Variants in SYNE3 observed in about 807,000 individuals in gnomAD.
The protein encoded by SYNE3 is nesprin-3.
Under a neutral mutation model 111.2 loss-of-function variants are expected in SYNE3, and 100 were observed. That is an observed-to-expected ratio of 0.90 (90% CI 0.77 to 1.06). The LOEUF (loss-of-function observed/expected upper bound fraction) is 1.06, where lower values mean the gene tolerates loss of function less well. Ranked by LOEUF, SYNE3 falls within the 50% of genes least tolerant of loss-of-function variation. SYNE3 has a pLI of 0.00. For synonymous variants in SYNE3, 547 were observed against 533.9 expected (o/e 1.02, Z -0.34); for missense variants, 1,160 against 1,240.3 (o/e 0.94, Z 0.97).
Position 95,436,974 on chromosome 14 carries a change from A to C in SYNE3, c.2384T>G (p.Leu795Arg). ...ATGGCTCCCTTCTTCTTCCTGTAGA[A>C]GATTTGCCTGTAGGATCACACACGG... ...PIPRHRRRANLLQEEEGSHED... is the reference protein window; with the variant it reads ...PIPRHRRRANRLQEEEGSHED... Residue 795 changes from leucine (L) to arginine (R), a missense_variant, in exon 15 of 18, where the codon CTT becomes CGT. Coordinates refer to ENST00000682763, the MANE Select transcript of SYNE3 (RefSeq NM_152592.6). The C allele has an allele frequency of 6.4e-7, 1 of 1,550,676 alleles. No individual in the cohort carries two copies. The highest frequency in any genetic ancestry group is 8.7e-7 in the Non-Finnish European group (1 of 1,145,540).
chr14:95,478,174 T>C (rs1284517008), intron 1 of SYNE3, among the ~76,000 whole-genome samples: 1 of 152,198 alleles, frequency 6.6e-6, no homozygotes, highest in Non-Finnish European at 1.5e-5. Context: ...CAGGCAGAGT[T>C]CAGGAGACCT....
At chr14:95,482,011 T>C (rs1889289134) in intron 1 of SYNE3, among the ~76,000 whole-genome samples, 1 of 152,326 alleles carries the variant, frequency 6.6e-6, no homozygotes, top group South Asian at 2.1e-4. Context: ...TCCCCGGCTC[T>C]CCAAAGCTCA....
intron 11 of SYNE3, among the ~76,000 whole-genome samples, chr14:95,441,464 A>C (rs189212929): frequency 1.2e-3 from 178 of 152,378 alleles, no homozygotes; most frequent in Non-Finnish European, 2.1e-3. Context: ...GGGGAAGGAC[A>C]TATTAGATTA....
At chr14:95,431,785 C>T (rs1458314327) in intron 17 of SYNE3, among the ~76,000 whole-genome samples, 2 of 152,226 alleles carry the variant, frequency 1.3e-5, no homozygotes, top group Non-Finnish European at 2.9e-5. Flanking sequence ...TTTGTCCACT[C>T]CCCAGCGTGT....
chr14:95,492,030 C>T (rs1566686124), intron 1 of SYNE3, among the ~76,000 whole-genome samples: 1 of 152,180 alleles, frequency 6.6e-6, no homozygotes, highest in Non-Finnish European at 1.5e-5. Flanking sequence ...AAAAGATTCT[C>T]AACATCACTA....
intron 11 of SYNE3, among the ~76,000 whole-genome samples, chr14:95,441,338 T>C (rs1016536393): frequency 6.6e-6 from 1 of 152,070 alleles, no homozygotes; most frequent in Non-Finnish European, 1.5e-5. Flanking sequence ...TGTCCCCTCC[T>C]GGTCCCTGTG....
chr14:95,448,945 C>A (rs1306558181), intron 8 of SYNE3, among the ~76,000 whole-genome samples: 2 of 152,172 alleles, frequency 1.3e-5, no homozygotes, highest in African/African-American at 4.8e-5. Context: ...TCTTCACACA[C>A]CTTTACACTC....
At chr14:95,476,151 T>C (rs1337272899) in intron 1 of SYNE3, among the ~76,000 whole-genome samples, 3 of 152,218 alleles carry the variant, frequency 2.0e-5, no homozygotes, top group African/African-American at 7.2e-5. Context: ...TCTATTCAGA[T>C]TGCACGCTCT....
At chr14:95,508,981 T>C (rs950470093) in intron 1 of SYNE3, among the ~76,000 whole-genome samples, 1 of 152,236 alleles carries the variant, frequency 6.6e-6, no homozygotes, top group Admixed American at 6.5e-5. Flanking sequence ...AAGATCCTAT[T>C]TTAAAGCCTT....
intron 1 of SYNE3, among the ~76,000 whole-genome samples, chr14:95,483,520 G>C (rs1329711553): frequency 6.6e-6 from 1 of 152,056 alleles, no homozygotes; most frequent in Non-Finnish European, 1.5e-5. Flanking sequence ...TGGATTCTGG[G>C]AACACAATTT....
chr14:95,462,659 C>T (rs1415118412), intron 4 of SYNE3, among the ~76,000 whole-genome samples: 1 of 152,252 alleles, frequency 6.6e-6, no homozygotes, highest in Non-Finnish European at 1.5e-5. Flanking sequence ...GCTCCCTCTT[C>T]AGCAGCTCAA....
In SYNE3 at chr14:95,413,183, C is replaced by CT. The variant is rs1903478646; in HGVS notation, c.*4642dup. ...CCCTCCCTCCCTCCCTCCCTTCCTC[C>CT]TTTTCTCTCTCTTCTCTCTGTCTCT... On this transcript the variant is annotated 3_prime_UTR_variant, in exon 18 of 18. Transcript: ENST00000682763. 1 of 73,730 alleles carries CT rather than the reference C, an allele frequency of 1.4e-5. No homozygotes were observed. Among genetic ancestry groups the CT allele is most frequent in the South Asian group, 4.4e-4 (1 of 2,296 alleles). 4.6% of individuals were successfully genotyped at this position (73,730 alleles called of 1,614,324 possible). A position where few individuals can be genotyped will look rare whatever the true frequency, so the allele number is the denominator to read the frequency against.
intron 2 of SYNE3, among the ~76,000 whole-genome samples, chr14:95,473,361 T>C (rs1888651525): frequency 6.6e-6 from 1 of 151,506 alleles, no homozygotes; most frequent in Non-Finnish European, 1.5e-5. Context: ...CAGCAAAGGG[T>C]AGAAAGTTTA....
chr14:95,461,806 G>A (rs1039916062), intron 4 of SYNE3, among the ~76,000 whole-genome samples: 8 of 152,246 alleles, frequency 5.3e-5, no homozygotes, highest in Admixed American at 4.6e-4. Context: ...TGCAGGGGAG[G>A]TCTTCATCAA....
intron 17 of SYNE3, among the ~76,000 whole-genome samples, chr14:95,430,904 GCCAGTTGGTATTGGGC>G (rs1430746624): frequency 6.6e-6 from 1 of 151,778 alleles, no homozygotes; most frequent in Non-Finnish European, 1.5e-5. Context: ...AAGCCACAAA[GCCAGTTGGTATTGGGC>G]CCAGAGCCCA....
intron 1 of SYNE3, among the ~76,000 whole-genome samples, chr14:95,476,862 C>CA (rs1427251263): frequency 2.6e-5 from 4 of 152,030 alleles, no homozygotes; most frequent in African/African-American, 9.7e-5. Flanking sequence ...TTTAAAATGG[C>CA]AAAACAAAAC....
intron 1 of SYNE3, among the ~76,000 whole-genome samples, chr14:95,489,403 A>T (rs926643757): frequency 6.6e-6 from 1 of 152,236 alleles, no homozygotes; most frequent in Admixed American, 6.5e-5. Context: ...AGGGACCTGA[A>T]TCCAGTCCAA....
chr14:95,439,580 G>A, intron 13 of SYNE3, 32 bp downstream of exon 13: 1 of 1,601,928 alleles, frequency 6.2e-7, no homozygotes. Flanking sequence ...CAGTGTCCCA[G>A]ACAACGCTCA....
intron 4 of SYNE3, 120 bp from the exon 5 acceptor site, chr14:95,457,458 C>T (rs1412049232): frequency 3.6e-6 from 4 of 1,124,832 alleles, no homozygotes; most frequent in Non-Finnish European, 5.1e-6. Context: ...GCAGGGGGTG[C>T]AACCAACCTC....
Sources: allele counts gnomAD v4.1 joint callset (sites outside exome capture counted in the v4.1 genomes callset), GRCh38; gene constraint gnomAD v4.1.1; transcripts MANE v1.5; gene names NCBI Gene and HGNC (gene_info 2026-07-23, HGNC 2026-07-21).